The following GPC5 variants were observed in gnomAD, a reference collection of about 807,000 sequenced individuals.
GPC5 encodes glypican-5.
In GPC5, 47 loss-of-function variants were observed where a neutral mutation model predicts 53.9. The observed-to-expected ratio is 0.87, with a 90% confidence interval of 0.69 to 1.11. GPC5 has a LOEUF of 1.11. Among genes scored for constraint, GPC5 ranks in the 50% most tolerant of loss-of-function variants. The pLI is 0.00. For missense variants in GPC5, 748 were observed against 713.1 expected, an observed-to-expected ratio of 1.05 and a Z score of -0.56; for synonymous variants, 286 against 263.3, an observed-to-expected ratio of 1.09 and a Z score of -0.84.
At position 92,464,728 on chromosome 13, in the gene GPC5, A is replaced by G. The variant is rs563074334; in HGVS notation, c.1561+319739A>G. ...TTAATAGAAATAGAAACTTTCAAAA[A>G]TTACTTTAAAGCATGTAATTATATA... On this transcript the variant is annotated intron_variant, in intron 7 of 7. Coordinates refer to ENST00000377067, the MANE Select transcript of GPC5 (RefSeq NM_004466.6). Among the ~76,000 whole-genome samples, 58 of 152,150 alleles carry G rather than the reference A, an allele frequency of 3.8e-4. 1 individual carries two copies. The highest frequency in any genetic ancestry group is 1.0e-4 in the Non-Finnish European group (7 of 67,934).
chr13:91,855,843 G>A (rs2038961811), intron 5 of GPC5, among the ~76,000 whole-genome samples: 1 of 151,386 alleles, frequency 6.6e-6, no homozygotes, highest in Non-Finnish European at 1.5e-5. Context: ...GGGAAATTGT[G>A]TATAAATGCA....
chr13:91,776,788 T>A (rs1020237815), intron 5 of GPC5, among the ~76,000 whole-genome samples: 1 of 152,240 alleles, frequency 6.6e-6, no homozygotes, highest in Non-Finnish European at 1.5e-5. Context: ...ACTGTAAGTA[T>A]GAATATTTTT....
chr13:91,478,861 C>T (rs9560810), intron 2 of GPC5, among the ~76,000 whole-genome samples: 39,432 of 83,776 alleles, frequency 0.47, 9,930 homozygotes, highest in African/African-American at 0.62. Flanking sequence ...TATATATATA[C>T]ACACACATAT....
intron 7 of GPC5, among the ~76,000 whole-genome samples, chr13:92,602,347 C>T (rs1884106858): frequency 6.7e-6 from 1 of 149,688 alleles, no homozygotes; most frequent in Non-Finnish European, 1.5e-5. Flanking sequence ...AATTCATCAA[C>T]TAAATAATTA....
At chr13:92,352,209 T>A (rs1200178498) in intron 7 of GPC5, among the ~76,000 whole-genome samples, 5 of 151,912 alleles carry the variant, frequency 3.3e-5, no homozygotes, top group African/African-American at 1.2e-4. Flanking sequence ...CAAATGAACC[T>A]GAAAAACATA....
chr13:91,662,300 C>A (rs1411235201), intron 2 of GPC5, among the ~76,000 whole-genome samples: 1 of 152,124 alleles, frequency 6.6e-6, no homozygotes, highest in Admixed American at 6.5e-5. Context: ...TGAGAGACCG[C>A]CAAATGTTGC....
At chr13:91,455,919 G>A (rs1232794035) in intron 2 of GPC5, among the ~76,000 whole-genome samples, 1 of 152,094 alleles carries the variant, frequency 6.6e-6, no homozygotes, top group Non-Finnish European at 1.5e-5. Context: ...GGAAGACAAA[G>A]TCTAAAGACC....
intron 7 of GPC5, among the ~76,000 whole-genome samples, chr13:92,786,165 G>A (rs1876225549): frequency 6.6e-6 from 1 of 152,074 alleles, no homozygotes; most frequent in Admixed American, 6.6e-5. Context: ...GCTAAGCCAC[G>A]GCTCTTTACA....
intron 2 of GPC5, among the ~76,000 whole-genome samples, chr13:91,553,141 G>T (rs763803776): frequency 1.4e-5 from 2 of 141,964 alleles, no homozygotes; most frequent in Non-Finnish European, 3.1e-5. Flanking sequence ...TGTATGAGGG[G>T]TATGTGGTAA....
chr13:92,836,154 T>C (rs1336717488), intron 7 of GPC5, among the ~76,000 whole-genome samples: 1 of 152,052 alleles, frequency 6.6e-6, no homozygotes, highest in Non-Finnish European at 1.5e-5. Context: ...ATACAAAAGT[T>C]TTTAGTGTTT....
chr13:91,921,291 A>T (rs1011052586), intron 6 of GPC5, among the ~76,000 whole-genome samples: 8 of 152,156 alleles, frequency 5.3e-5, no homozygotes, highest in African/African-American at 1.9e-4. Flanking sequence ...AGGAGTAACT[A>T]AGAAATAAGA....
At chr13:91,881,764 C>G (rs1040513547) in intron 5 of GPC5, among the ~76,000 whole-genome samples, 1 of 152,168 alleles carries the variant, frequency 6.6e-6, no homozygotes, top group African/African-American at 2.4e-5. Context: ...AGGAATAATT[C>G]TAAGGTAGCC....
At chr13:92,606,926 A>G (rs925839688) in intron 7 of GPC5, among the ~76,000 whole-genome samples, 3 of 152,170 alleles carry the variant, frequency 2.0e-5, no homozygotes, top group African/African-American at 4.8e-5. Flanking sequence ...TGCCCCATTC[A>G]AAGTTTTGAC....
chr13:92,560,869 G>A (rs189149623), intron 7 of GPC5, among the ~76,000 whole-genome samples: 4 of 149,514 alleles, frequency 2.7e-5, no homozygotes, highest in African/African-American at 1.0e-4. Flanking sequence ...GTGTGTGTGT[G>A]TGTGTGTGTG....
intron 7 of GPC5, chr13:92,340,718 A>C (rs2043359182): frequency 6.6e-6 from 1 of 152,154 alleles, no homozygotes; most frequent in African/African-American, 2.4e-5. Context: ...AAATCAGACA[A>C]ACGATTGTAT....
rs555111697 is a variant in GPC5, at chr13:91,996,532, T to C, written c.1401+88475T>C. 2.6e-5 allele frequency: 4 copies of C among 152,214 alleles called. No individual in the cohort carries two copies. In the East Asian group the frequency reaches 5.8e-4, roughly 22 times the overall value. 9.4% of individuals were successfully genotyped at this position (152,214 alleles called of 1,614,324 possible). On this transcript the variant is annotated intron_variant, in intron 6 of 7. Transcript: ENST00000377067. Reference sequence around the variant, plus strand: ...AGTAAGTTTTTAAAAGCAAAAAAAATTAAATATAACACATAGCAAAAAGTA... The same window carrying C: ...AGTAAGTTTTTAAAAGCAAAAAAAACTAAATATAACACATAGCAAAAAGTA...
At chr13:91,421,580 G>T (rs1450430797) in intron 1 of GPC5, among the ~76,000 whole-genome samples, 2 of 152,162 alleles carry the variant, frequency 1.3e-5, no homozygotes, top group African/African-American at 4.8e-5. Context: ...CAACAATATT[G>T]CATTGAATTG....
chr13:92,588,556 G>A (rs1384534990), intron 7 of GPC5, among the ~76,000 whole-genome samples: 1 of 152,146 alleles, frequency 6.6e-6, no homozygotes, highest in Non-Finnish European at 1.5e-5. Context: ...ATAGCTATGA[G>A]CTTGTTGTTC....
intron 2 of GPC5, among the ~76,000 whole-genome samples, chr13:91,645,868 C>G (rs1340096709): frequency 6.6e-6 from 1 of 152,148 alleles, no homozygotes; most frequent in Admixed American, 6.5e-5. Context: ...GCACTTCTGA[C>G]AAGTCCTCTG....
Sources: allele counts gnomAD v4.1 joint callset (sites outside exome capture counted in the v4.1 genomes callset), GRCh38; gene constraint gnomAD v4.1.1; transcripts MANE v1.5; gene names NCBI Gene and HGNC (gene_info 2026-07-23, HGNC 2026-07-21).